NAA11: variants seen among roughly 807,000 people sequenced by gnomAD.
NAA11 encodes N-alpha-acetyltransferase 11.
A neutral mutation model predicts 16.1 loss-of-function variants in NAA11; 15 were observed. The observed-to-expected ratio is 0.93, with a 90% CI of 0.62 to 1.44. The LOEUF (loss-of-function observed/expected upper bound fraction) is 1.44, where lower values mean the gene tolerates loss of function less well. Ranked by LOEUF, NAA11 falls within the 40% of genes most tolerant of loss-of-function variation. The probability of loss-of-function intolerance (pLI) is 0.00; values close to 1 mark genes in which losing one functional copy is unlikely to be tolerated. For missense variants in NAA11, 298 were observed against 291.3 expected (o/e 1.02, Z -0.17); for synonymous variants, 122 against 112.4 (o/e 1.09, Z -0.54).
the NAA11 span, among the ~76,000 whole-genome samples, chr4:79,216,670 T>TTATTCATATAAA: frequency 6.6e-6 from 1 of 152,150 alleles, no homozygotes; most frequent in African/African-American, 2.4e-5. Flanking sequence ...TTTAAAAGAA[T>TTATTCATATAAA]AGTCTATTAT....
chr4:79,195,366 T>C, the NAA11 span, among the ~76,000 whole-genome samples: 1 of 152,118 alleles, frequency 6.6e-6, no homozygotes, highest in Non-Finnish European at 1.5e-5. Context: ...TCAGTTTGTA[T>C]AATTCTATTT....
At chr4:79,244,438 G>A (rs1231359812) in intron 2 of NAA11, among the ~76,000 whole-genome samples, 2 of 152,012 alleles carry the variant, frequency 1.3e-5, no homozygotes, top group Non-Finnish European at 2.9e-5. Flanking sequence ...GTATTTATTT[G>A]TTATCTGATT....
chr4:79,230,479 G>A (rs557585863), intron 2 of NAA11, among the ~76,000 whole-genome samples: 1 of 138,294 alleles, frequency 7.2e-6, no homozygotes, highest in Non-Finnish European at 1.6e-5. Context: ...TTGAATCTAT[G>A]TCCACATTTA....
the NAA11 span, among the ~76,000 whole-genome samples, chr4:79,185,055 G>A: frequency 2.0e-5 from 3 of 151,964 alleles, no homozygotes; most frequent in African/African-American, 4.8e-5. Context: ...AATTTTACAT[G>A]CCTGAGTTTG....
At chr4:79,312,515 G>C (rs571402049), downstream of NAA11, among the ~76,000 whole-genome samples, 2 of 151,818 alleles carry the variant, frequency 1.3e-5, no homozygotes, top group Admixed American at 6.6e-5. Context: ...GCCAGGCGTC[G>C]TGGCACATAC....
chr4:79,266,438 C>A (rs937434986), intron 2 of NAA11, among the ~76,000 whole-genome samples: 2 of 152,124 alleles, frequency 1.3e-5, no homozygotes, highest in Non-Finnish European at 2.9e-5. Flanking sequence ...TGAAGAGAGA[C>A]AAAAGAAACC....
At chr4:79,301,999 C>T (rs762806893) in intron 1 of NAA11, among the ~76,000 whole-genome samples, 6 of 152,124 alleles carry the variant, frequency 3.9e-5, no homozygotes, top group Non-Finnish European at 5.9e-5. Flanking sequence ...ACTGGCCAAA[C>T]TAATTTCCTC....
intron 2 of NAA11, among the ~76,000 whole-genome samples, chr4:79,263,062 A>G (rs930089248): frequency 6.6e-6 from 1 of 152,216 alleles, no homozygotes; most frequent in South Asian, 2.1e-4. Flanking sequence ...AACTATGAAT[A>G]GCATAATAAT....
intron 2 of NAA11, among the ~76,000 whole-genome samples, chr4:79,292,010 G>C (rs1435579498): frequency 6.6e-6 from 1 of 152,086 alleles, no homozygotes; most frequent in African/African-American, 2.4e-5. Flanking sequence ...ACCACTATTT[G>C]GAGAGAGAGA....
the NAA11 span, among the ~76,000 whole-genome samples, chr4:79,178,032 TTAAAAG>T: frequency 6.6e-6 from 1 of 152,290 alleles, no homozygotes; most frequent in African/African-American, 2.4e-5. Context: ...GAGTTGAACA[TTAAAAG>T]TAAAACTGAG....
intron 2 of NAA11, among the ~76,000 whole-genome samples, chr4:79,291,742 A>G (rs1231705329): frequency 6.6e-6 from 1 of 152,086 alleles, no homozygotes; most frequent in Non-Finnish European, 1.5e-5. Context: ...AAACAAATAA[A>G]TAAATGTAAA....
intron 2 of NAA11, among the ~76,000 whole-genome samples, chr4:79,251,165 C>T (rs968442612): frequency 3.3e-5 from 5 of 152,212 alleles, no homozygotes; most frequent in East Asian, 1.9e-4. Flanking sequence ...ACCAAAAAGA[C>T]GCATGTACCC....
intron 2 of NAA11, among the ~76,000 whole-genome samples, chr4:79,262,555 C>T (rs1464844545): frequency 2.0e-5 from 3 of 152,076 alleles, no homozygotes; most frequent in Non-Finnish European, 2.9e-5. Flanking sequence ...TATTCAGCAA[C>T]AAGGAGAAAT....
Position 79,325,646 on chromosome 4 carries a change from T to C in NAA11, c.232A>G (p.Lys78Glu). ...PHGHITSLAV[K>E]RSHRRLGLAQ... is the part of the protein sequence containing the mutation. ...AGGCCGAGGCGCCGGTGTGAACGCT[T>C]CACGGCCAGTGAGGTGATATGGCCA... Residue 78 changes from lysine (K) to glutamate (E), a missense_variant, in exon 1 of 2, where the codon AAG (lysine) becomes GAG (glutamate). Transcript: ENST00000286794. The C allele has an allele frequency of 1.2e-6, 2 of 1,614,068 alleles. No homozygotes were observed. The highest frequency in any genetic ancestry group is 2.2e-5 in the South Asian group (2 of 91,076).
At chr4:79,292,650 G>A (rs1723114038) in intron 2 of NAA11, among the ~76,000 whole-genome samples, 1 of 152,150 alleles carries the variant, frequency 6.6e-6, no homozygotes, top group African/African-American at 2.4e-5. Context: ...TTCATTTCCA[G>A]AGCAAGGCTT....
chr4:79,297,937 C>T (rs547113197), intron 1 of NAA11, among the ~76,000 whole-genome samples: 13 of 152,146 alleles, frequency 8.5e-5, no homozygotes, highest in Non-Finnish European at 1.5e-4. Context: ...CTTTTCTGGG[C>T]CCACCAATGG....
At chr4:79,184,374 C>T in the NAA11 span, among the ~76,000 whole-genome samples, 99 of 152,164 alleles carry the variant, frequency 6.5e-4, 1 homozygote, top group Admixed American at 5.9e-4. Flanking sequence ...AATAAAATCA[C>T]TAAAAAGAAC....
At chr4:79,160,013 C>T in the NAA11 span, among the ~76,000 whole-genome samples, 2 of 139,130 alleles carry the variant, frequency 1.4e-5, no homozygotes, top group Admixed American at 7.3e-5. Context: ...TTTTTTAAGA[C>T]AGAGTTTTGC....
chr4:79,235,699 AGT>A (rs941478041), intron 2 of NAA11, among the ~76,000 whole-genome samples: 5 of 152,092 alleles, frequency 3.3e-5, no homozygotes, highest in African/African-American at 1.2e-4. Flanking sequence ...GAAAACCTTA[AGT>A]GTGTCTTTCT....
Sources: allele counts gnomAD v4.1 joint callset (sites outside exome capture counted in the v4.1 genomes callset), GRCh38; gene constraint gnomAD v4.1.1; transcripts MANE v1.5; gene names NCBI Gene and HGNC (gene_info 2026-07-23, HGNC 2026-07-21).